SCIN: variants seen among roughly 807,000 people sequenced by gnomAD.
SCIN encodes the protein adseverin.
SCIN carries 91 observed loss-of-function variants against 91.8 expected under a neutral mutation model. The ratio of observed to expected loss-of-function variants is 0.99; its 90% CI spans 0.84 to 1.18. SCIN has a LOEUF of 1.18. SCIN is among the 50% of genes most tolerant of loss of function. The pLI, the probability that SCIN is intolerant of heterozygous loss-of-function variation, is 0.00. For missense variants in SCIN, 1,087 were observed against 863.9 expected (o/e 1.26, Z -3.24); for synonymous variants, 367 against 312.6 (o/e 1.17, Z -1.84).
chr7:12,583,003 C>T (rs1471693761), intron 3 of SCIN, among the ~76,000 whole-genome samples: 1 of 151,958 alleles, frequency 6.6e-6, no homozygotes, highest in Non-Finnish European at 1.5e-5. Context: ...AGGTTCTCAT[C>T]TGTAAAAGCA....
chr7:12,570,893 C>G lies in SCIN; in HGVS notation c.107C>G (p.Ala36Gly), dbSNP rs1782252324. The change falls in exon 1 of 16, where the codon GCT becomes GGT. Residue 36 changes from alanine to glycine, a missense_variant. Transcript: ENST00000297029. ...KLELVPVPQS[A>G]HGDFYVGDAY... ...GAGCTGGTGCCCGTGCCCCAGAGCG[C>G]TCACGGCGACTTCTACGTCGGGGAT... is the stretch of plus-strand genomic sequence containing the variant. 7 of 1,551,562 alleles carry G rather than the reference C, an allele frequency of 4.5e-6. No individual in the cohort carries two copies. The highest frequency in any genetic ancestry group is 6.1e-6 in the Non-Finnish European group (7 of 1,146,938).
Position 12,635,676 on chromosome 7 carries a change from C to G in SCIN, c.1320-369C>G, listed in dbSNP as rs1458114805. ...AGACAAAATGCCCCTAACATTCAAC[C>G]TAATAAGTTTGGCTCGTATTTTCAT... is the stretch of plus-strand genomic sequence containing the variant. On this transcript the variant is annotated intron_variant, in intron 9 of 15. Coordinates refer to ENST00000297029, the MANE Select transcript of SCIN (RefSeq NM_001112706.3). 2.9e-5 allele frequency among the ~76,000 whole-genome samples: 4 copies of G among 138,934 alleles called. No individual in the cohort carries two copies. In the Admixed American group the frequency reaches 2.9e-4, roughly 10 times the overall value. The allele number at this position is 138,934 out of a possible 152,430, so 91.1% of individuals were successfully genotyped here. A position where few individuals can be genotyped will look rare whatever the true frequency, so the allele number is the denominator to read the frequency against.
At chr7:12,647,503 G>T (rs137904037) in intron 13 of SCIN, among the ~76,000 whole-genome samples, 4 of 152,126 alleles carry the variant, frequency 2.6e-5, no homozygotes, top group Non-Finnish European at 4.4e-5. Context: ...GTGACTTTAG[G>T]CTGGTTACTG....
chr7:12,653,276 TTA>T lies in SCIN; in HGVS notation c.*563_*564del, dbSNP rs980644768. ...TTATGGAAACTGATTTATATCTTTT[TTA>T]TGACCTTTCAAAAGTAAAATACTAT... On this transcript the variant is annotated 3_prime_UTR_variant, in exon 16 of 16. Transcript: ENST00000297029. This position sits in a 1 kb window ranked among gnomAD's most constrained non-coding sequence, Gnocchi z 4.1. The T allele has an allele frequency of 2.6e-5, 4 of 152,214 alleles. No homozygotes were observed. Among genetic ancestry groups the T allele is most frequent in the Non-Finnish European group, 4.4e-5 (3 of 68,040 alleles). 9.4% of individuals were successfully genotyped at this position (152,214 alleles called of 1,614,324 possible).
chr7:12,591,674 T>C (rs902886304), intron 3 of SCIN, among the ~76,000 whole-genome samples: 2 of 152,018 alleles, frequency 1.3e-5, no homozygotes, highest in Admixed American at 6.5e-5. Flanking sequence ...GGCCACTTCA[T>C]AGAGGGGATG....
At chr7:12,644,451 G>A in intron 12 of SCIN, 133 bp from the exon 13 acceptor site, 1 of 1,443,446 alleles carries the variant, frequency 6.9e-7, no homozygotes, top group African/African-American at 1.4e-5. Flanking sequence ...AGAGGTGGGT[G>A]GGTGATGGTA....
At chr7:12,604,738 G>GTA (rs2115250341) in intron 4 of SCIN, 75 bp downstream of exon 4, 1 of 1,335,834 alleles carries the variant, frequency 7.5e-7, no homozygotes, top group African/African-American at 1.5e-5. Flanking sequence ...GTGTGTGTGT[G>GTA]TAAGGCAGCA....
rs143276097 is a variant in SCIN at position 12,589,872 on chromosome 7, T to C, written c.516+8651T>C. The stretch of plus-strand genomic sequence containing the variant: ...AAGGGCGTCCGTATATTAACTCAAA[T>C]GGACTGAGGAAGGAGGGTGCTTTTG... On this transcript the variant is annotated intron_variant, in intron 3 of 15. Coordinates refer to ENST00000297029, the MANE Select transcript of SCIN (RefSeq NM_001112706.3). Among the ~76,000 whole-genome samples the C allele has an allele frequency of 7.2e-4, 110 of 152,280 alleles. 1 individual carries two copies. The East Asian group carries it at 0.013, about 18-fold the overall frequency.
chr7:12,596,697 T>C (rs1279400393), intron 3 of SCIN, among the ~76,000 whole-genome samples: 1 of 152,006 alleles, frequency 6.6e-6, no homozygotes, highest in Non-Finnish European at 1.5e-5. Flanking sequence ...TTTTTTTTTT[T>C]TGGTTTGGCA....
intron 13 of SCIN, among the ~76,000 whole-genome samples, chr7:12,646,901 T>C (rs1260218200): frequency 2.6e-5 from 4 of 152,192 alleles, no homozygotes; most frequent in Admixed American, 6.5e-5. Context: ...AAACAGTGCA[T>C]TGAGATAAAT....
intron 4 of SCIN, among the ~76,000 whole-genome samples, chr7:12,610,553 T>C (rs1301255791): frequency 6.6e-6 from 1 of 152,216 alleles, no homozygotes; most frequent in East Asian, 1.9e-4. Flanking sequence ...CTGTGAAATA[T>C]GTAGTTCCAG....
At position 12,652,605 on chromosome 7, in the gene SCIN, A is replaced by G; in HGVS notation, c.2038A>G (p.Thr680Ala). Residue 680 changes from threonine to alanine, a missense_variant, in exon 16 of 16, where the codon ACA (threonine) becomes GCA (alanine). By Grantham distance (58) the Thr-to-Ala change is moderately conservative. Coordinates refer to ENST00000297029, the MANE Select transcript of SCIN (RefSeq NM_001112706.3). ...TTTTTTAGCCAAAATGTACCTTGAG[A>G]CAGACCCTTCTGGAAGAGACAAGAG... ...SLKSAKMYLE[T>A]DPSGRDKRTP... 6.2e-7 allele frequency: 1 copy of G among 1,613,204 alleles called. No individual in the cohort carries two copies. The highest frequency in any genetic ancestry group is 8.5e-7 in the Non-Finnish European group (1 of 1,179,554).
chr7:12,601,334 G>C (rs774840351), intron 3 of SCIN, among the ~76,000 whole-genome samples: 1 of 152,096 alleles, frequency 6.6e-6, no homozygotes, highest in Non-Finnish European at 1.5e-5. Context: ...ACTCTGGGCT[G>C]GAAATTTAAT....
chr7:12,571,219 A>G (rs1782263547), intron 1 of SCIN: 1 of 562,658 alleles, frequency 1.8e-6, no homozygotes, highest in South Asian at 2.3e-5. Context: ...GCAGGCTTTG[A>G]CCTTTGCCAG....
Position 12,651,507 on chromosome 7 carries a change from C to G in SCIN, c.1960-334C>G, listed in dbSNP as rs62448337. ...TGGTTTCCTTCGACTGCTGTCACAC[C>G]CTAGGGGGTGGATGAAAAAAAAAAG... On this transcript the variant is annotated intron_variant, in intron 14 of 15. Transcript: ENST00000297029. This position sits in a 1 kb window ranked among gnomAD's most constrained non-coding sequence, Gnocchi z 5.9. 0.16 allele frequency among the ~76,000 whole-genome samples: 23,761 copies of G among 151,296 alleles called. 2,141 individuals carry two copies. Among genetic ancestry groups the G allele is most frequent in the Admixed American group, 0.26 (3,987 of 15,228 alleles).
chr7:12,604,442 C>A, intron 3 of SCIN, 72 bp from the exon 4 acceptor site: 2 of 1,341,444 alleles, frequency 1.5e-6, no homozygotes, highest in Non-Finnish European at 2.0e-6. Flanking sequence ...CCTAATTAAT[C>A]ACAAGTATTA....
At chr7:12,625,271 T>C (rs849803) in intron 6 of SCIN, 129 bp downstream of exon 6, 82,835 of 819,418 alleles carry the variant, frequency 0.1, 4,806 homozygotes, top group East Asian at 0.11. Flanking sequence ...TATAAATGTC[T>C]CACATAAAAT....
At chr7:12,632,258 G>C (rs889795029) in intron 9 of SCIN, among the ~76,000 whole-genome samples, 2 of 151,864 alleles carry the variant, frequency 1.3e-5, no homozygotes, top group African/African-American at 4.8e-5. Flanking sequence ...AGCCTCCCGA[G>C]TACCTGGGAT....
Position 12,633,069 on chromosome 7 carries a change from G to A in SCIN, c.1320-2976G>A, listed in dbSNP as rs374219221. On this transcript the variant is annotated intron_variant, in intron 9 of 15. Coordinates refer to ENST00000297029, the MANE Select transcript of SCIN (RefSeq NM_001112706.3). ...AGGCTTTCAAAAAATAAGCAGTTCC[G>A]TTGAAGACTGGCTTTTAAATTAAAC... Among the ~76,000 whole-genome samples, 22 of 152,258 alleles carry A rather than the reference G, an allele frequency of 1.4e-4. 1 individual carries two copies. Among genetic ancestry groups the A allele is most frequent in the South Asian group, 6.2e-4 (3 of 4,826 alleles).
Sources: gnomAD v4.1 joint callset for allele counts (sites outside exome capture counted in the v4.1 genomes callset) on GRCh38, gnomAD v4.1.1 for gene constraint, Gnocchi (gnomAD v3.1) non-coding constraint, MANE v1.5 for transcripts, NCBI Gene and HGNC (gene_info 2026-07-23, HGNC 2026-07-21) for gene names.